Variants in ZSCAN5A observed in about 807,000 individuals in gnomAD.
The protein encoded by ZSCAN5A is zinc finger and SCAN domain-containing protein 5A.
A neutral mutation model predicts 23.7 loss-of-function variants in ZSCAN5A; 12 were observed. The ratio of observed to expected loss-of-function variants is 0.51; its 90% confidence interval spans 0.32 to 0.82. The LOEUF (loss-of-function observed/expected upper bound fraction) is 0.82, where lower values mean the gene tolerates loss of function less well. Among genes scored for constraint, ZSCAN5A ranks in the 40% least tolerant of loss-of-function variants. The pLI is 0.03. For synonymous variants in ZSCAN5A, 257 were observed against 239.9 expected (o/e 1.07, Z -0.66); for missense variants, 597 against 617.9 (o/e 0.97, Z 0.36).
intron 2 of ZSCAN5A, among the ~76,000 whole-genome samples, chr19:56,327,095 C>T (rs2147431764): frequency 6.6e-6 from 1 of 151,586 alleles, no homozygotes; most frequent in East Asian, 1.9e-4. Flanking sequence ...AGTCTAATTT[C>T]AGGTGTCCAT....
chr19:56,259,142 G>A (rs2036939461), intron 2 of ZSCAN5A, among the ~76,000 whole-genome samples: 1 of 152,088 alleles, frequency 6.6e-6, no homozygotes, highest in Non-Finnish European at 1.5e-5. Flanking sequence ...TGAGTTTTGG[G>A]GTGATGTGTT....
At chr19:56,273,568 T>C (rs571717732) in intron 2 of ZSCAN5A, among the ~76,000 whole-genome samples, 1 of 152,206 alleles carries the variant, frequency 6.6e-6, no homozygotes, top group African/African-American at 2.4e-5. Flanking sequence ...AGGTAAGGAA[T>C]AGGAGCTGGC....
At chr19:56,342,555 G>A (rs1317484221) in intron 2 of ZSCAN5A, 3 of 349,170 alleles carry the variant, frequency 8.6e-6, no homozygotes. Flanking sequence ...ATCAGCCAAG[G>A]TGAATGCTAT....
At chr19:56,315,132 C>G (rs2041277776), upstream of ZSCAN5A, 1 of 152,176 alleles carries the variant, frequency 6.6e-6, no homozygotes, top group Admixed American at 6.5e-5. Flanking sequence ...TGGGAGTCGC[C>G]GAGCCCTGTA....
intron 2 of ZSCAN5A, chr19:56,244,111 A>G: frequency 6.5e-7 from 1 of 1,534,486 alleles, no homozygotes; most frequent in Non-Finnish European, 9.0e-7. Context: ...CAGAGCCGCC[A>G]CAGTCTGTGG....
chr19:56,321,757 T>C, intron 2 of ZSCAN5A: 1 of 1,268,674 alleles, frequency 7.9e-7, no homozygotes, highest in Non-Finnish European at 1.2e-6. Flanking sequence ...GGCAATTACT[T>C]CCTGCAACCA....
At chr19:56,318,311 T>C (rs2041339160), upstream of ZSCAN5A, among the ~76,000 whole-genome samples, 1 of 152,186 alleles carries the variant, frequency 6.6e-6, no homozygotes, top group Non-Finnish European at 1.5e-5. Context: ...GCACATTAAA[T>C]ACATCCTCTT....
At chr19:56,308,006 C>A (rs374347280) in intron 2 of ZSCAN5A, among the ~76,000 whole-genome samples, 1 of 152,160 alleles carries the variant, frequency 6.6e-6, no homozygotes, top group African/African-American at 2.4e-5. Context: ...TTCTCTTGAT[C>A]CCCCCACCCA....
At chr19:56,344,629 C>T (rs972645053) in intron 2 of ZSCAN5A, among the ~76,000 whole-genome samples, 6 of 151,196 alleles carry the variant, frequency 4.0e-5, no homozygotes, top group African/African-American at 9.7e-5. Context: ...TACGGCCGGG[C>T]GCAGTGGCTC....
intron 2 of ZSCAN5A, among the ~76,000 whole-genome samples, chr19:56,245,877 T>C (rs1012903106): frequency 1.3e-5 from 2 of 150,932 alleles, no homozygotes. Flanking sequence ...TTGTAGGGGG[T>C]GGTGGGGTGT....
intron 2 of ZSCAN5A, among the ~76,000 whole-genome samples, chr19:56,353,625 A>T (rs949372174): frequency 4.2e-4 from 63 of 151,438 alleles, no homozygotes; most frequent in Non-Finnish European, 8.2e-4. Context: ...AAAAAAAAAT[A>T]CAAAAAATTA....
chr19:56,221,917 G>A lies in ZSCAN5A; in HGVS notation c.1149C>T (p.Leu383=). ...IHKRSHTGER[L]FQCNLCGKRF... is the part of the protein sequence containing the mutation. The stretch of plus-strand genomic sequence containing the variant: ...GCTTCCCACAGAGATTACATTGAAA[G>A]AGTCTCTCGCCTGTGTGTGATCTCT... Residue 383 remains leucine, a synonymous_variant, in exon 6 of 6, where the codon CTC becomes CTT. Transcript: ENST00000683990. 6.2e-7 allele frequency: 1 copy of A among 1,614,200 alleles called. No homozygotes were observed.
chr19:56,346,707 T>G (rs936849285), intron 2 of ZSCAN5A, among the ~76,000 whole-genome samples: 1 of 151,646 alleles, frequency 6.6e-6, no homozygotes, highest in Admixed American at 6.6e-5. Context: ...ATTACTTTTT[T>G]TTATTTTTTA....
At chr19:56,350,583 G>A (rs2041661341) in intron 2 of ZSCAN5A, among the ~76,000 whole-genome samples, 1 of 152,176 alleles carries the variant, frequency 6.6e-6, no homozygotes, top group Non-Finnish European at 1.5e-5. Context: ...AGGGGGAAAT[G>A]TCCGCTTTTC....
chr19:56,312,739 A>C (rs987472591), intron 2 of ZSCAN5A, among the ~76,000 whole-genome samples: 4 of 152,244 alleles, frequency 2.6e-5, no homozygotes, highest in Admixed American at 6.5e-5. Flanking sequence ...TTTTCTGTAA[A>C]TATAAAATTA....
intron 2 of ZSCAN5A, among the ~76,000 whole-genome samples, chr19:56,329,843 T>A (rs1221523891): frequency 1.3e-5 from 2 of 152,246 alleles, no homozygotes; most frequent in Non-Finnish European, 2.9e-5. Context: ...ATTTCAAAAC[T>A]AATTTCCACT....
chr19:56,269,323 A>C, intron 2 of ZSCAN5A, among the ~76,000 whole-genome samples: 1 of 152,248 alleles, frequency 6.6e-6, no homozygotes, highest in Non-Finnish European at 1.5e-5. Flanking sequence ...ATAATAATAT[A>C]ATAATTAATG....
At chr19:56,225,291 A>C (rs2033813035) in intron 2 of ZSCAN5A, 118 bp from the exon 3 acceptor site, 1 of 973,422 alleles carries the variant, frequency 1.0e-6, no homozygotes, top group African/African-American at 1.6e-5. Flanking sequence ...GCACAGTGGA[A>C]ATCTTCCAGT....
At chr19:56,348,091 A>C (rs963115213) in intron 2 of ZSCAN5A, 1 of 152,244 alleles carries the variant, frequency 6.6e-6, no homozygotes, top group African/African-American at 2.4e-5. Flanking sequence ...CCAGTTTCAC[A>C]GACGGTCCAG....
Sources: allele counts gnomAD v4.1 joint callset (sites outside exome capture counted in the v4.1 genomes callset), GRCh38; gene constraint gnomAD v4.1.1; transcripts MANE v1.5; gene names NCBI Gene and HGNC (gene_info 2026-07-23, HGNC 2026-07-21).